Variants in ARHGAP6 observed in about 807,000 individuals in gnomAD.
ARHGAP6 encodes the protein rho GTPase-activating protein 6.
ARHGAP6 carries 16 observed loss-of-function variants against 55.7 expected under a neutral mutation model. That is an observed-to-expected ratio of 0.29 (90% CI 0.19 to 0.44). The LOEUF (loss-of-function observed/expected upper bound fraction) is 0.44, where lower values mean the gene tolerates loss of function less well. Among genes scored for constraint, ARHGAP6 ranks in the 20% least tolerant of loss-of-function variants. The probability of loss-of-function intolerance (pLI) is 1.00; values close to 1 mark genes in which losing one functional copy is unlikely to be tolerated. For synonymous variants in ARHGAP6, 382 were observed against 360.9 expected (o/e 1.06, Z -0.66); for missense variants, 698 against 808.9 (o/e 0.86, Z 1.66).
chrX:11,334,894 G>T (rs769227864), intron 1 of ARHGAP6: 8 of 143,952 alleles, frequency 5.6e-5, no homozygotes, highest in Non-Finnish European at 8.2e-5. Flanking sequence ...CTTTGCTCTG[G>T]TATTTTTGAA....
chrX:11,185,969 C>T (rs1426385711), intron 5 of ARHGAP6, among the ~76,000 whole-genome samples: 1 of 111,199 alleles, frequency 9.0e-6, no homozygotes, highest in Admixed American at 9.6e-5. Context: ...TCTGATCATT[C>T]CCTAAACTGC....
intron 1 of ARHGAP6, among the ~76,000 whole-genome samples, chrX:11,339,347 G>T (rs532038878): frequency 9.0e-6 from 1 of 110,665 alleles, no homozygotes; most frequent in African/African-American, 3.3e-5. Context: ...TCTTTAATGC[G>T]CAGGGAAGCC....
intron 2 of ARHGAP6, among the ~76,000 whole-genome samples, chrX:11,201,152 C>T (rs1056042524): frequency 4.5e-4 from 50 of 112,027 alleles, no homozygotes; most frequent in African/African-American, 1.5e-3. Context: ...TTTGCAGAAA[C>T]GCACTAATAT....
intron 2 of ARHGAP6, among the ~76,000 whole-genome samples, chrX:11,209,390 C>A (rs2046755135): frequency 8.9e-6 from 1 of 111,986 alleles, no homozygotes; most frequent in Non-Finnish European, 1.9e-5. Context: ...AATGATCTGC[C>A]TGTCTCAGCC....
Position 11,300,485 on chromosome X carries a change from G to T in ARHGAP6, c.589-45778C>A, listed in dbSNP as rs1051120402. ...TAACAAAGAAACTTCAGAAATTATA[G>T]AGTTCAACTTAAATGGTTGTACATT... On this transcript the variant is annotated intron_variant, in intron 1 of 12. Transcript: ENST00000337414. 5 of 553,842 alleles carry T rather than the reference G, an allele frequency of 9.0e-6. No individual in the cohort carries two copies. In the African/African-American group the frequency reaches 9.2e-5, roughly 10 times the overall value. 45.6% of individuals were successfully genotyped at this position (553,842 alleles called of 1,213,427 possible).
chrX:11,455,454 T>C (rs1485145709), intron 1 of ARHGAP6, among the ~76,000 whole-genome samples: 1 of 112,317 alleles, frequency 8.9e-6, no homozygotes, highest in African/African-American at 3.2e-5. Flanking sequence ...AGTTGTGTAA[T>C]TGCAGCCAAG....
intron 1 of ARHGAP6, chrX:11,265,581 C>CCAGAAAACTGGAAT: frequency 3.4e-6 from 2 of 588,317 alleles, no homozygotes; most frequent in Non-Finnish European, 4.3e-6. Context: ...ACTGATCATT[C>CCAGAAAACTGGAAT]CAGTTTTCTT....
chrX:11,181,950 TAAAAAAA>T, intron 6 of ARHGAP6, 106 bp downstream of exon 6: 1 of 492,541 alleles, frequency 2.0e-6, no homozygotes, highest in Non-Finnish European at 3.2e-6. Flanking sequence ...GCTTGGAGGG[TAAAAAAA>T]AAAAAAAAGA....
intron 2 of ARHGAP6, among the ~76,000 whole-genome samples, chrX:11,232,500 C>T (rs988096740): frequency 4.5e-5 from 5 of 110,582 alleles, no homozygotes; most frequent in Non-Finnish European, 9.5e-5. Flanking sequence ...GGCTTGGTGG[C>T]GTGTGCCTGT....
At chrX:11,430,062 T>C (rs1285535537) in intron 1 of ARHGAP6, among the ~76,000 whole-genome samples, 1 of 112,132 alleles carries the variant, frequency 8.9e-6, no homozygotes, top group African/African-American at 3.2e-5. Context: ...TCCCTTTCCC[T>C]ACAAATACTA....
intron 2 of ARHGAP6, among the ~76,000 whole-genome samples, chrX:11,205,087 A>G (rs1352393662): frequency 9.0e-6 from 1 of 110,909 alleles, no homozygotes; most frequent in Non-Finnish European, 1.9e-5. Context: ...GCAGGCGAAT[A>G]TTTTTTCTCT....
At chrX:11,536,690 A>G (rs1390727572) in intron 1 of ARHGAP6, among the ~76,000 whole-genome samples, 6 of 112,481 alleles carry the variant, frequency 5.3e-5, no homozygotes, top group Admixed American at 1.9e-4. Flanking sequence ...TTGTGGTATG[A>G]AAATATGCAC....
intron 1 of ARHGAP6, among the ~76,000 whole-genome samples, chrX:11,283,639 T>C (rs1569285149): frequency 8.9e-6 from 1 of 111,771 alleles, no homozygotes; most frequent in Non-Finnish European, 1.9e-5. Flanking sequence ...GGGACTAATA[T>C]CATCACAGGA....
At chrX:11,208,613 C>G (rs2046743147) in intron 2 of ARHGAP6, among the ~76,000 whole-genome samples, 1 of 112,057 alleles carries the variant, frequency 8.9e-6, no homozygotes, top group African/African-American at 3.2e-5. Context: ...AATATCCTGC[C>G]TGATAATAAT....
At chrX:11,641,477 C>T (rs139231254) in intron 1 of ARHGAP6, among the ~76,000 whole-genome samples, 12 of 111,675 alleles carry the variant, frequency 1.1e-4, no homozygotes, top group African/African-American at 3.9e-4. Context: ...TTAAGGATAA[C>T]CTTTTCTTTG....
intron 1 of ARHGAP6, among the ~76,000 whole-genome samples, chrX:11,587,416 C>T (rs946013591): frequency 1.8e-5 from 2 of 111,711 alleles, no homozygotes; most frequent in Non-Finnish European, 3.8e-5. Context: ...GGAAAAGATT[C>T]TTTCTAGATA....
intron 1 of ARHGAP6, among the ~76,000 whole-genome samples, chrX:11,417,056 G>GTATATATATA (rs2049756874): frequency 2.6e-5 from 1 of 37,920 alleles, no homozygotes. Flanking sequence ...ATATGGGTGT[G>GTATATATATA]TACATATATA....
chrX:11,223,931 G>C, intron 2 of ARHGAP6, among the ~76,000 whole-genome samples: 1 of 111,773 alleles, frequency 8.9e-6, no homozygotes, highest in Non-Finnish European at 1.9e-5. Flanking sequence ...CTAGTAGTCA[G>C]TTAGGAAGGG....
At chrX:11,322,110 G>A (rs1490545061) in intron 1 of ARHGAP6, among the ~76,000 whole-genome samples, 2 of 112,105 alleles carry the variant, frequency 1.8e-5, no homozygotes, top group Non-Finnish European at 3.8e-5. Context: ...AAAATCACTG[G>A]AGAATAAAGA....
Sources: allele counts gnomAD v4.1 joint callset (sites outside exome capture counted in the v4.1 genomes callset), GRCh38; gene constraint gnomAD v4.1.1; transcripts MANE v1.5; gene names NCBI Gene and HGNC (gene_info 2026-07-23, HGNC 2026-07-21).